Variants in PTPRN2 observed in about 807,000 individuals in gnomAD.
PTPRN2 encodes receptor-type tyrosine-protein phosphatase N2.
In PTPRN2, 74 loss-of-function variants were observed where a neutral mutation model predicts 118.8. The observed-to-expected ratio is 0.62, with a 90% CI of 0.52 to 0.76. The LOEUF is 0.76. Among genes scored for constraint, PTPRN2 ranks in the 30% least tolerant of loss-of-function variants. PTPRN2 has a pLI of 0.00. For synonymous variants in PTPRN2, 641 were observed against 608.0 expected, an observed-to-expected ratio of 1.05 and a Z score of -0.80; for missense variants, 1,481 against 1,394.4, an observed-to-expected ratio of 1.06 and a Z score of -0.99.
At chr7:157,561,321 C>A (rs1038458281) in intron 21 of PTPRN2, among the ~76,000 whole-genome samples, 1 of 152,254 alleles carries the variant, frequency 6.6e-6, no homozygotes, top group Non-Finnish European at 1.5e-5. Context: ...CTGCAGACTC[C>A]AGGCTGTGCC....
chr7:158,219,198 T>C (rs1828167853), intron 3 of PTPRN2, among the ~76,000 whole-genome samples: 1 of 151,794 alleles, frequency 6.6e-6, no homozygotes, highest in African/African-American at 2.4e-5. Flanking sequence ...CCAAAGAAAA[T>C]TGAAATCATA....
chr7:157,976,064 T>A (rs1802720430), intron 11 of PTPRN2, among the ~76,000 whole-genome samples: 1 of 152,190 alleles, frequency 6.6e-6, no homozygotes, highest in Non-Finnish European at 1.5e-5. Flanking sequence ...GTGCTCACCA[T>A]CCAAGTCCTT....
At chr7:157,650,175 T>A (rs1361353942) in intron 14 of PTPRN2, among the ~76,000 whole-genome samples, 1 of 152,158 alleles carries the variant, frequency 6.6e-6, no homozygotes, top group Non-Finnish European at 1.5e-5. Flanking sequence ...CCTGCTGGTT[T>A]AATGCCGTCT....
At chr7:158,270,368 G>A (rs956527479) in intron 3 of PTPRN2, among the ~76,000 whole-genome samples, 4 of 152,162 alleles carry the variant, frequency 2.6e-5, no homozygotes, top group African/African-American at 7.2e-5. Flanking sequence ...CATGGTTCTC[G>A]GGGTGAGGAC....
chr7:158,269,129 G>A (rs545093389), intron 3 of PTPRN2, among the ~76,000 whole-genome samples: 203 of 152,226 alleles, frequency 1.3e-3, no homozygotes, highest in African/African-American at 4.5e-3. Context: ...TGTTGCCTCC[G>A]GTCACCCCCA....
chr7:157,840,400 CCG>C (rs1371369786), intron 12 of PTPRN2, among the ~76,000 whole-genome samples: 19 of 132,924 alleles, frequency 1.4e-4, no homozygotes, highest in African/African-American at 6.2e-4. Context: ...GACTGTGTGA[CCG>C]TGTGTGACTG....
chr7:158,002,659 C>G (rs534245692), intron 11 of PTPRN2, among the ~76,000 whole-genome samples: 52 of 152,284 alleles, frequency 3.4e-4, no homozygotes, highest in African/African-American at 1.3e-3. Context: ...GGTCAGGGAG[C>G]CTGGGAAATG....
chr7:158,282,182 T>TC (rs1381039876), intron 3 of PTPRN2, among the ~76,000 whole-genome samples: 5 of 151,250 alleles, frequency 3.3e-5, no homozygotes, highest in African/African-American at 1.2e-4. Flanking sequence ...CTCTGCCTTT[T>TC]TTTTTTTTTT....
chr7:158,487,652 A>G (rs1055502080), intron 2 of PTPRN2, among the ~76,000 whole-genome samples: 4 of 152,148 alleles, frequency 2.6e-5, no homozygotes, highest in African/African-American at 9.7e-5. Context: ...CTGGTGACAG[A>G]ATGTTCTAGA....
intron 17 of PTPRN2, among the ~76,000 whole-genome samples, chr7:157,589,881 G>A (rs765290257): frequency 1.3e-5 from 2 of 152,260 alleles, no homozygotes; most frequent in East Asian, 1.9e-4. Context: ...CAGCGGCGGC[G>A]TGGATGAAGA....
At chr7:158,380,840 C>T (rs748210794) in intron 2 of PTPRN2, among the ~76,000 whole-genome samples, 2 of 152,264 alleles carry the variant, frequency 1.3e-5, no homozygotes, top group Non-Finnish European at 2.9e-5. Context: ...GAAATCTATG[C>T]AGAGGTTCCC....
intron 11 of PTPRN2, among the ~76,000 whole-genome samples, chr7:157,993,631 G>A (rs549354171): frequency 5.3e-5 from 8 of 152,186 alleles, no homozygotes; most frequent in Middle Eastern, 3.4e-3. Flanking sequence ...CTGAGTCCCC[G>A]CCCTGGCTCC....
intron 4 of PTPRN2, among the ~76,000 whole-genome samples, chr7:158,202,447 G>C (rs1826715565): frequency 6.6e-6 from 1 of 152,148 alleles, no homozygotes; most frequent in East Asian, 1.9e-4. Flanking sequence ...ATTGTCCCCA[G>C]GCAGTCATGT....
At chr7:157,684,286 G>T (rs1345693051) in intron 12 of PTPRN2, among the ~76,000 whole-genome samples, 1 of 151,830 alleles carries the variant, frequency 6.6e-6, no homozygotes, top group Non-Finnish European at 1.5e-5. Context: ...CTGGATGCGC[G>T]GCTCGGAGGA....
chr7:158,499,820 T>TAC (rs928184064), intron 1 of PTPRN2, among the ~76,000 whole-genome samples: 8 of 144,790 alleles, frequency 5.5e-5, no homozygotes, highest in South Asian at 4.9e-4. Context: ...TATATATATA[T>TAC]ACACACACCC....
chr7:158,068,970 G>A (rs1198054178), intron 11 of PTPRN2, among the ~76,000 whole-genome samples: 1 of 152,178 alleles, frequency 6.6e-6, no homozygotes, highest in Non-Finnish European at 1.5e-5. Context: ...CCCTTCCCAA[G>A]CTGCCTGCCA....
At chr7:158,044,710 T>A (rs1403987468) in intron 11 of PTPRN2, among the ~76,000 whole-genome samples, 2 of 152,122 alleles carry the variant, frequency 1.3e-5, no homozygotes, top group African/African-American at 2.4e-5. Context: ...AGATGGGAGC[T>A]CTGCCTCAGA....
chr7:157,562,610 C>T (rs922859901), intron 21 of PTPRN2, among the ~76,000 whole-genome samples: 5 of 152,246 alleles, frequency 3.3e-5, no homozygotes, highest in Admixed American at 1.3e-4. Flanking sequence ...CGGGGAGCCA[C>T]AAAACACGAT....
Position 157,598,205 on chromosome 7 carries a change from C to T in PTPRN2, c.2419-2890G>A, listed in dbSNP as rs1801459228. 6.6e-6 allele frequency among the ~76,000 whole-genome samples: 1 copy of T among 152,226 alleles called. No individual in the cohort carries two copies. Among genetic ancestry groups the T allele is most frequent in the African/African-American group, 2.4e-5 (1 of 41,442 alleles). On this transcript the variant is annotated intron_variant, in intron 16 of 22. Coordinates refer to ENST00000389418, the MANE Select transcript of PTPRN2 (RefSeq NM_002847.5). This position sits in a 1 kb window ranked among gnomAD's most constrained non-coding sequence, Gnocchi z 5.2. ...TGTGTGTCCCTCTGTCTTCCCCACC[C>T]AGCGATCACACGGCACCTACTCTGG...
Sources: allele counts gnomAD v4.1 joint callset (sites outside exome capture counted in the v4.1 genomes callset), GRCh38; gene constraint gnomAD v4.1.1; non-coding constraint Gnocchi (gnomAD v3.1); transcripts MANE v1.5; gene names NCBI Gene and HGNC (gene_info 2026-07-23, HGNC 2026-07-21).